The following COX8C variants were observed in gnomAD, a reference collection of about 807,000 sequenced individuals.
COX8C encodes cytochrome c oxidase subunit 8C, mitochondrial.
Under a neutral mutation model 3.5 loss-of-function variants are expected in COX8C, and 3 were observed. The ratio of observed to expected loss-of-function variants is 0.86; its 90% CI spans 0.39 to 2.24. The LOEUF is 2.24. Ranked by LOEUF, COX8C falls within the 30% of genes most tolerant of loss-of-function variation. COX8C has a pLI of 0.05. For missense variants in COX8C, 113 were observed against 102.5 expected (o/e 1.10, Z -0.44); for synonymous variants, 46 against 44.1 (o/e 1.04, Z -0.17).
At chr14:93,347,976 G>C (rs1326798452) in intron 1 of COX8C, 52 bp from the exon 2 acceptor site, 1 of 1,105,724 alleles carries the variant, frequency 9.0e-7, no homozygotes, top group African/African-American at 1.5e-5. Context: ...TAGGCAGCAA[G>C]TCACTGGCCT....
intron 1 of COX8C, 48 bp from the exon 2 acceptor site, chr14:93,347,980 C>T (rs2053900013): frequency 1.7e-6 from 2 of 1,149,742 alleles, no homozygotes; most frequent in African/African-American, 3.0e-5. Flanking sequence ...CAGCAAGTCA[C>T]TGGCCTAGGA....
At chr14:93,347,612 G>A (rs1227843223) in intron 1 of COX8C, among the ~76,000 whole-genome samples, 1 of 152,086 alleles carries the variant, frequency 6.6e-6, no homozygotes, top group Non-Finnish European at 1.5e-5. Flanking sequence ...GCACAGGGGC[G>A]GAAAGCCCGG....
rs2053862127 is a variant in COX8C at position 93,347,211 on chromosome 14, T to C, written c.-58T>C. 4 of 1,516,882 alleles carry C rather than the reference T, an allele frequency of 2.6e-6. No individual in the cohort carries two copies. In the African/African-American group the frequency reaches 5.6e-5, roughly 21 times the overall value. The allele number at this position is 1,516,882 out of a possible 1,614,324, so 94.0% of individuals were successfully genotyped here. On this transcript the variant is annotated 5_prime_UTR_variant, in exon 1 of 2. Coordinates refer to ENST00000342144, the MANE Select transcript of COX8C (RefSeq NM_182971.3). ...GCCTCACGAGCACTGGAGCTTGCGT[T>C]ACTTGGCCTCACCTCACCTGTGCTG...
rs985698243 is a variant in COX8C, at chr14:93,348,003, C to T, written c.127-25C>T. Reference sequence around the variant, plus strand: ...CACTGGCCTAGGAAGCCATACTCAGCAGCGCGTGTCATCTTCTCTTCCAGG... The same window carrying T: ...CACTGGCCTAGGAAGCCATACTCAGTAGCGCGTGTCATCTTCTCTTCCAGG... On this transcript the variant is annotated intron_variant, in intron 1 of 1. Transcript: ENST00000342144. The T allele has an allele frequency of 4.9e-6, 7 of 1,430,152 alleles. No homozygotes were observed. The Admixed American group carries it at 5.0e-5, about 10-fold the overall frequency. The allele number at this position is 1,430,152 out of a possible 1,614,324, so 88.6% of individuals were successfully genotyped here. A position where few individuals can be genotyped will look rare whatever the true frequency, so the allele number is the denominator to read the frequency against.
chr14:93,347,359 T>C lies in COX8C; in HGVS notation c.91T>C (p.Ser31Pro). Residue 31 changes from serine (S) to proline (P), a missense_variant, in exon 1 of 2, where the codon TCG (serine) becomes CCG (proline). Ser to Pro is a moderately conservative substitution (Grantham distance 74). Coordinates refer to ENST00000342144, the MANE Select transcript of COX8C (RefSeq NM_182971.3). The stretch of plus-strand genomic sequence containing the variant: ...GCAGCCCGCTCCCCGCTTCGCCCAC[T>C]CGGGGCCCCCGCGCCAGCGGCCCCT... ...GLQPAPRFAH[S>P]GPPRQRPLSA... The C allele has an allele frequency of 6.5e-7, 1 of 1,534,972 alleles. No homozygotes were observed.
intron 1 of COX8C, among the ~76,000 whole-genome samples, chr14:93,347,643 G>T (rs1363284779): frequency 6.6e-6 from 1 of 152,122 alleles, no homozygotes; most frequent in Non-Finnish European, 1.5e-5. Flanking sequence ...AACGCGCGGG[G>T]ATTGGGCCTC....
intron 1 of COX8C, 35 bp from the exon 2 acceptor site, chr14:93,347,993 C>A: frequency 7.7e-7 from 1 of 1,292,156 alleles, no homozygotes; most frequent in Non-Finnish European, 1.1e-6. Context: ...GCCTAGGAAG[C>A]CATACTCAGC....
chr14:93,348,045 T>TG lies in COX8C; in HGVS notation c.145dup (p.Val49GlyfsTer29), dbSNP rs2053903384. ...TCTTCCAGGAAATGGCTGTTGGACTTGTGGTGTTTTTTACGACCTTCTTAA... is the reference window on the plus strand; with the variant it reads ...TCTTCCAGGAAATGGCTGTTGGACTTGGTGGTGTTTTTTACGACCTTCTTAA... On this transcript the variant is annotated frameshift_variant, in exon 2 of 2. Transcript: ENST00000342144. LOFTEE classifies it low-confidence loss of function (END_TRUNC). 1.2e-5 allele frequency: 20 copies of TG among 1,610,310 alleles called. No homozygotes were observed. The East Asian group carries it at 4.5e-4, about 36-fold the overall frequency.
chr14:93,348,094 A>G lies in COX8C; in HGVS notation c.193A>G (p.Asn65Asp). 6.2e-7 allele frequency: 1 copy of G among 1,609,312 alleles called. No individual in the cohort carries two copies. Among genetic ancestry groups the G allele is most frequent in the Non-Finnish European group, 8.5e-7 (1 of 1,175,556 alleles). The stretch of plus-strand genomic sequence containing the variant: ...AACACCAGCTGCATATGTGCTAGGC[A>G]ACCTGAAGCAGTTCAGAAGGAATTA... ...FLTPAAYVLG[N>D]LKQFRRN The change falls in exon 2 of 2, where the codon AAC (asparagine) becomes GAC (aspartate). Residue 65 changes from asparagine (N) to aspartate (D), a missense_variant. Transcript: ENST00000342144.
rs781077446 is a variant in COX8C at position 93,347,219 on chromosome 14, C to G, written c.-50C>G. On this transcript the variant is annotated 5_prime_UTR_variant, in exon 1 of 2. Transcript: ENST00000342144. ...AGCACTGGAGCTTGCGTTACTTGGCCTCACCTCACCTGTGCTGTCCACGCC... is the reference window on the plus strand; with the variant it reads ...AGCACTGGAGCTTGCGTTACTTGGCGTCACCTCACCTGTGCTGTCCACGCC... The G allele has an allele frequency of 6.5e-7, 1 of 1,529,478 alleles. No individual in the cohort carries two copies. 94.7% of individuals were successfully genotyped at this position (1,529,478 alleles called of 1,614,324 possible). A position where few individuals can be genotyped will look rare whatever the true frequency, so the allele number is the denominator to read the frequency against.
At position 93,347,251 on chromosome 14, in the gene COX8C, T is replaced by A. The variant is rs769238297; in HGVS notation, c.-18T>A. The A allele has an allele frequency of 6.3e-7, 1 of 1,590,370 alleles. No homozygotes were observed. The highest frequency in any genetic ancestry group is 8.6e-7 in the Non-Finnish European group (1 of 1,168,662). ...CACCTGTGCTGTCCACGCCTGGCTT[T>A]GTCTCACCTGACGCGATATGCCTCT... On this transcript the variant is annotated 5_prime_UTR_variant, in exon 1 of 2. Transcript: ENST00000342144.
chr14:93,347,510 T>C (rs1488310708), intron 1 of COX8C, 116 bp downstream of exon 1: 5 of 1,231,284 alleles, frequency 4.1e-6, no homozygotes, highest in Non-Finnish European at 5.3e-6. Flanking sequence ...GAGGCTCTTG[T>C]GGCTTGGTCG....
chr14:93,347,597 G>C (rs1052097245), intron 1 of COX8C, among the ~76,000 whole-genome samples: 42 of 152,074 alleles, frequency 2.8e-4, no homozygotes, highest in Admixed American at 3.3e-4. Context: ...GGATGCCGTC[G>C]TCGGGCACAG....
Position 93,348,278 on chromosome 14 carries a change from GTGCATTATATAGA to G in COX8C, c.*161_*173del. The G allele has an allele frequency of 1.7e-6, 1 of 590,256 alleles. No individual in the cohort carries two copies. The highest frequency in any genetic ancestry group is 2.2e-5 in the South Asian group (1 of 46,410). The allele number at this position is 590,256 out of a possible 1,614,324, so 36.6% of individuals were successfully genotyped here. A position where few individuals can be genotyped will look rare whatever the true frequency, so the allele number is the denominator to read the frequency against. ...GAATATTTTGCACTTTTTTAGTACTGTGCATTATATAGATGTATAGTCAAAAATGTTCTGCTTA... is the reference window on the plus strand; with the variant it reads ...GAATATTTTGCACTTTTTTAGTACTGTGTATAGTCAAAAATGTTCTGCTTA... On this transcript the variant is annotated 3_prime_UTR_variant, in exon 2 of 2. Transcript: ENST00000342144.
chr14:93,347,939 A>C, intron 1 of COX8C, 89 bp from the exon 2 acceptor site: 1 of 799,580 alleles, frequency 1.3e-6, no homozygotes, highest in Non-Finnish European at 2.2e-6. Context: ...CTAGGTGCTC[A>C]AAATGTTTTT....
Position 93,347,236 on chromosome 14 carries a change from G to A in COX8C, c.-33G>A. ...TACTTGGCCTCACCTCACCTGTGCT[G>A]TCCACGCCTGGCTTTGTCTCACCTG... On this transcript the variant is annotated 5_prime_UTR_variant, in exon 1 of 2. Transcript: ENST00000342144. The A allele has an allele frequency of 1.3e-6, 2 of 1,579,376 alleles. No individual in the cohort carries two copies. Among genetic ancestry groups the A allele is most frequent in the Non-Finnish European group, 1.7e-6 (2 of 1,163,040 alleles).
chr14:93,347,398 A>G lies in COX8C; in HGVS notation c.126+4A>G. ...CCAGCGGCCCCTGTCTGCCGCGGTG[A>G]GTTGAGGCCCAGCCATCATGGTGGG... is the stretch of plus-strand genomic sequence containing the variant. On this transcript the variant is annotated splice_donor_region_variant and intron_variant, in intron 1 of 1. Coordinates refer to ENST00000342144, the MANE Select transcript of COX8C (RefSeq NM_182971.3). 6.7e-7 allele frequency: 1 copy of G among 1,484,646 alleles called. No individual in the cohort carries two copies. The highest frequency in any genetic ancestry group is 8.9e-7 in the Non-Finnish European group (1 of 1,122,556). The allele number at this position is 1,484,646 out of a possible 1,614,324, so 92.0% of individuals were successfully genotyped here.
Position 93,348,177 on chromosome 14 carries a change from G to GT in COX8C, c.*62dup. 8.9e-7 allele frequency: 1 copy of GT among 1,121,628 alleles called. No individual in the cohort carries two copies. Among genetic ancestry groups the GT allele is most frequent in the East Asian group, 2.4e-5 (1 of 42,214 alleles). 69.5% of individuals were successfully genotyped at this position (1,121,628 alleles called of 1,614,324 possible). ...CCAAAAAACTTTCAGAAAAAGCTGT[G>GT]TTTTTGTTAACGAGCAAAATTGCCT... On this transcript the variant is annotated 3_prime_UTR_variant, in exon 2 of 2. Coordinates refer to ENST00000342144, the MANE Select transcript of COX8C (RefSeq NM_182971.3).
At position 93,347,672 on chromosome 14, in the gene COX8C, C is replaced by T. The variant is rs186545822; in HGVS notation, c.126+278C>T. On this transcript the variant is annotated intron_variant, in intron 1 of 1. Coordinates refer to ENST00000342144, the MANE Select transcript of COX8C (RefSeq NM_182971.3). Reference sequence around the variant, plus strand: ...GGGCCTCCTTCGTTGTTACCCTTTACCGGCACCTGGCTCGGGGGCGGGGCT... The same window carrying T: ...GGGCCTCCTTCGTTGTTACCCTTTATCGGCACCTGGCTCGGGGGCGGGGCT... Among the ~76,000 whole-genome samples, 14 of 152,126 alleles carry T rather than the reference C, an allele frequency of 9.2e-5. 1 individual carries two copies. The East Asian group carries it at 1.6e-3, about 17-fold the overall frequency.
Sources: allele counts gnomAD v4.1 joint callset (sites outside exome capture counted in the v4.1 genomes callset), GRCh38; gene constraint gnomAD v4.1.1; transcripts MANE v1.5; gene names NCBI Gene and HGNC (gene_info 2026-07-23, HGNC 2026-07-21).